Variants in MOSMO observed in about 807,000 individuals in gnomAD.
MOSMO encodes the protein modulator of smoothened, also known as modulator of smoothened protein.
Under a neutral mutation model 18.4 loss-of-function variants are expected in MOSMO, and 5 were observed. The ratio of observed to expected loss-of-function variants is 0.27; its 90% CI spans 0.14 to 0.57. The LOEUF (loss-of-function observed/expected upper bound fraction) is 0.57. Among genes scored for constraint, MOSMO ranks in the 20% least tolerant of loss-of-function variants. The pLI is 0.92. For synonymous variants in MOSMO, 82 were observed against 82.3 expected (o/e 1.00, Z 0.02); for missense variants, 138 against 211.8 (o/e 0.65, Z 2.16).
At chr16:22,085,428 C>T (rs1265337348), downstream of MOSMO, among the ~76,000 whole-genome samples, 4 of 152,090 alleles carry the variant, frequency 2.6e-5, no homozygotes, top group African/African-American at 9.7e-5. Context: ...TGATTTGTAA[C>T]ACAGATTAGA....
rs771934088 is a variant in MOSMO at position 22,008,394 on chromosome 16, C to G, written c.93C>G (p.Thr31=). ...TCGCCAACCCGGACTGGATCAACAC[C>G]GGGGAGTCTGCGGGTGAGCCGCTGG... is the stretch of plus-strand genomic sequence containing the variant. ...ASIANPDWIN[T]GESAGALTVG... Residue 31 remains threonine, a synonymous_variant, in exon 1 of 3, where the codon ACC becomes ACG. Coordinates refer to ENST00000542527, the MANE Select transcript of MOSMO (RefSeq NM_001164579.2). The G allele has an allele frequency of 6.5e-7, 1 of 1,532,822 alleles. No individual in the cohort carries two copies. The highest frequency in any genetic ancestry group is 2.5e-5 in the East Asian group (1 of 40,774). The allele number at this position is 1,532,822 out of a possible 1,614,324, so 95.0% of individuals were successfully genotyped here.
At chr16:22,024,369 C>CT (rs34009075) in intron 1 of MOSMO, among the ~76,000 whole-genome samples, 17,788 of 144,884 alleles carry the variant, frequency 0.12, 1,259 homozygotes, top group South Asian at 0.29. Flanking sequence ...TCTTTGAAAA[C>CT]TTTTTTTTTT....
At chr16:22,047,232 A>G (rs1279345375) in intron 1 of MOSMO, among the ~76,000 whole-genome samples, 1 of 145,030 alleles carries the variant, frequency 6.9e-6, no homozygotes, top group African/African-American at 2.5e-5. Context: ...CTGTTTATGC[A>G]CCATAATTTT....
chr16:22,034,880 G>A (rs949513102), intron 1 of MOSMO, among the ~76,000 whole-genome samples: 5 of 148,982 alleles, frequency 3.4e-5, no homozygotes, highest in Admixed American at 2.0e-4. Context: ...ACAGGCATGC[G>A]CCACCATACC....
chr16:22,019,012 A>G (rs543097079), intron 1 of MOSMO, among the ~76,000 whole-genome samples: 32 of 152,322 alleles, frequency 2.1e-4, no homozygotes, highest in African/African-American at 7.5e-4. Context: ...GACACTTTAC[A>G]TGTGTTAATT....
At position 22,061,882 on chromosome 16, in the gene MOSMO, A is replaced by C. The variant is rs115786266; in HGVS notation, c.107-13605A>C. On this transcript the variant is annotated intron_variant, in intron 1 of 2. Coordinates refer to ENST00000542527, the MANE Select transcript of MOSMO (RefSeq NM_001164579.2). ...TGTTTTCAGAAGTTGAAAATTGGGG[A>C]GATATCACCTTACATTTTTAATCTT... Among the ~76,000 whole-genome samples the C allele has an allele frequency of 8.8e-3, 1,334 of 152,316 alleles. 24 individuals carry two copies. Among genetic ancestry groups the C allele is most frequent in the African/African-American group, 0.03 (1,254 of 41,558 alleles).
intron 1 of MOSMO, among the ~76,000 whole-genome samples, chr16:22,008,618 G>C (rs1403891837): frequency 6.6e-6 from 1 of 151,842 alleles, no homozygotes; most frequent in African/African-American, 2.4e-5. Context: ...GCTGAGGGGA[G>C]AGGCGCCCCA....
chr16:22,034,745 T>G (rs1228174931), intron 1 of MOSMO, among the ~76,000 whole-genome samples: 1 of 61,966 alleles, frequency 1.6e-5, no homozygotes, highest in South Asian at 5.8e-4. Flanking sequence ...TTTTTTTGGG[T>G]TTTTTTTTTT....
At chr16:22,035,318 G>A (rs1472257227) in intron 1 of MOSMO, among the ~76,000 whole-genome samples, 1 of 151,952 alleles carries the variant, frequency 6.6e-6, no homozygotes, top group Non-Finnish European at 1.5e-5. Flanking sequence ...TTTCAGGCAC[G>A]CCTTGTTGAA....
chr16:22,027,188 G>A (rs944906454), intron 1 of MOSMO, among the ~76,000 whole-genome samples: 3 of 152,128 alleles, frequency 2.0e-5, no homozygotes, highest in Non-Finnish European at 4.4e-5. Flanking sequence ...GCTTTCATTA[G>A]GTTAACTGCG....
intron 1 of MOSMO, among the ~76,000 whole-genome samples, chr16:22,023,047 C>A (rs1233688575): frequency 6.6e-6 from 1 of 152,110 alleles, no homozygotes; most frequent in Non-Finnish European, 1.5e-5. Flanking sequence ...TATTCATCTT[C>A]TTATGATGAA....
intron 2 of MOSMO, among the ~76,000 whole-genome samples, chr16:22,078,751 A>G (rs1394084119): frequency 6.6e-6 from 1 of 152,188 alleles, no homozygotes. Context: ...TTGTGGTTTC[A>G]TTTTACTCAC....
chr16:22,074,108 ACACGTG>A (rs1309788170), intron 1 of MOSMO, among the ~76,000 whole-genome samples: 2 of 152,180 alleles, frequency 1.3e-5, no homozygotes, highest in African/African-American at 4.8e-5. Flanking sequence ...CCACCTAGCC[ACACGTG>A]CACGTGCACA....
intron 1 of MOSMO, among the ~76,000 whole-genome samples, chr16:22,057,359 A>C (rs1598017020): frequency 6.6e-6 from 1 of 152,308 alleles, no homozygotes; most frequent in South Asian, 2.1e-4. Context: ...GGCGGAAGAG[A>C]GTGAATTCAT....
chr16:22,092,428 A>T (rs772065202), downstream of MOSMO: 1 of 507,578 alleles, frequency 2.0e-6, no homozygotes. Flanking sequence ...ACAGCTGGTG[A>T]CTTCTTCCCT....
At chr16:22,024,817 T>C (rs1301380010) in intron 1 of MOSMO, among the ~76,000 whole-genome samples, 1 of 152,094 alleles carries the variant, frequency 6.6e-6, no homozygotes, top group Non-Finnish European at 1.5e-5. Flanking sequence ...TATATTAAAG[T>C]GGCTAACAGG....
At chr16:22,028,095 G>A (rs1333441140) in intron 1 of MOSMO, among the ~76,000 whole-genome samples, 1 of 152,134 alleles carries the variant, frequency 6.6e-6, no homozygotes, top group East Asian at 1.9e-4. Flanking sequence ...TCCAGAAGAT[G>A]TAAAGTATAT....
chr16:22,023,138 A>G (rs1224355857), intron 1 of MOSMO, among the ~76,000 whole-genome samples: 1 of 152,234 alleles, frequency 6.6e-6, no homozygotes, highest in Non-Finnish European at 1.5e-5. Context: ...GAGTCACTTA[A>G]GAAACCATAG....
At chr16:22,044,749 T>C (rs12917846) in intron 1 of MOSMO, among the ~76,000 whole-genome samples, 7 of 152,042 alleles carry the variant, frequency 4.6e-5, no homozygotes, top group African/African-American at 1.7e-4. Context: ...AAGTGGCAGA[T>C]CCCCAGGCAG....
Sources: allele counts gnomAD v4.1 joint callset (sites outside exome capture counted in the v4.1 genomes callset), GRCh38; gene constraint gnomAD v4.1.1; transcripts MANE v1.5; gene names NCBI Gene and HGNC (gene_info 2026-07-23, HGNC 2026-07-21).